Variants in ARHGEF12 observed in about 807,000 individuals in gnomAD.
ARHGEF12 encodes the protein Rho guanine nucleotide exchange factor 12, also known as KMT2A/ARHGEF12 fusion protein.
In ARHGEF12, 66 loss-of-function variants were observed where a neutral mutation model predicts 211.2. The observed-to-expected ratio is 0.31, with a 90% confidence interval of 0.26 to 0.38. The LOEUF is 0.38. Among genes scored for constraint, ARHGEF12 ranks in the 10% least tolerant of loss-of-function variants. ARHGEF12 has a pLI of 1.00. For missense variants in ARHGEF12, 1,429 were observed against 1,869.5 expected, an observed-to-expected ratio of 0.76 and a Z score of 4.34; for synonymous variants, 592 against 638.4, an observed-to-expected ratio of 0.93 and a Z score of 1.09.
chr11:120,349,186 A>G (rs1336986243), intron 1 of ARHGEF12, among the ~76,000 whole-genome samples: 2 of 152,244 alleles, frequency 1.3e-5, no homozygotes, highest in African/African-American at 2.4e-5. Context: ...GAGACAGTGT[A>G]TAAAGTTAAA....
At chr11:120,356,506 A>G (rs1230346618) in intron 1 of ARHGEF12, among the ~76,000 whole-genome samples, 2 of 152,180 alleles carry the variant, frequency 1.3e-5, no homozygotes, top group Non-Finnish European at 2.9e-5. Flanking sequence ...GGCCTGAGCC[A>G]CTGCGCCCAG....
In ARHGEF12 at chr11:120,440,133, C is replaced by T. The variant is rs146867149; in HGVS notation, c.1004C>T (p.Thr335Ile). Residue 335 changes from threonine (T) to isoleucine (I), a missense_variant, in exon 13 of 41, where the codon ACT becomes ATT. Coordinates refer to ENST00000397843, the MANE Select transcript of ARHGEF12 (RefSeq NM_015313.3). ...CTTTTCCCTGAATGTTGCCAGGACACTCAATCACTTGTCGGAAGTCCCTCA... is the reference window on the plus strand; with the variant it reads ...CTTTTCCCTGAATGTTGCCAGGACATTCAATCACTTGTCGGAAGTCCCTCA... Reference protein sequence around the residue: ...EKSETIQDTDTQSLVGSPSTR... With the variant: ...EKSETIQDTDIQSLVGSPSTR... The T allele has an allele frequency of 6.3e-5, 101 of 1,610,536 alleles. No individual in the cohort carries two copies. In the African/African-American group the frequency reaches 1.3e-3, roughly 20 times the overall value.
intron 1 of ARHGEF12, among the ~76,000 whole-genome samples, chr11:120,345,080 T>C (rs1204189143): frequency 6.6e-6 from 1 of 152,232 alleles, no homozygotes; most frequent in Non-Finnish European, 1.5e-5. Flanking sequence ...TTGTCCAACC[T>C]GCCTTATTTT....
At position 120,343,499 on chromosome 11, in the gene ARHGEF12, G is replaced by A. The variant is rs201142508; in HGVS notation, c.32+6224G>A. 2.3e-4 allele frequency among the ~76,000 whole-genome samples: 35 copies of A among 152,270 alleles called. No homozygotes were observed. In the East Asian group the frequency reaches 3.9e-3, roughly 17 times the overall value. On this transcript the variant is annotated intron_variant, in intron 1 of 40. Transcript: ENST00000397843. ...CTAAATTGCATGAGTATATAGTGTC[G>A]ACTTTTAGTAAAAGAAAAAATACAC...
intron 1 of ARHGEF12, among the ~76,000 whole-genome samples, chr11:120,354,880 A>C (rs1322563249): frequency 1.3e-5 from 2 of 152,192 alleles, no homozygotes; most frequent in African/African-American, 4.8e-5. Flanking sequence ...TATAGCCCTT[A>C]GGGAGATCTA....
In ARHGEF12 at chr11:120,407,621, C is replaced by T. The variant is rs1340235301; in HGVS notation, c.57-117C>T. 4.4e-6 allele frequency: 3 copies of T among 678,468 alleles called. No homozygotes were observed. The African/African-American group carries it at 5.4e-5, about 12-fold the overall frequency. The allele number at this position is 678,468 out of a possible 1,614,324, so 42.0% of individuals were successfully genotyped here. On this transcript the variant is annotated intron_variant, in intron 2 of 40. Coordinates refer to ENST00000397843, the MANE Select transcript of ARHGEF12 (RefSeq NM_015313.3). Reference sequence around the variant, plus strand: ...ATGTAAATTAGAGAGGCTTATGGTGCTGTGTAAAGTAAACTGATTTCCTGG... The same window carrying T: ...ATGTAAATTAGAGAGGCTTATGGTGTTGTGTAAAGTAAACTGATTTCCTGG...
At chr11:120,403,532 G>A (rs1406539037) in intron 1 of ARHGEF12, among the ~76,000 whole-genome samples, 1 of 151,164 alleles carries the variant, frequency 6.6e-6, no homozygotes, top group Non-Finnish European at 1.5e-5. Flanking sequence ...AAAAAAAAAG[G>A]CATCTAGCCA....
At position 120,448,246 on chromosome 11, in the gene ARHGEF12, G is replaced by A. The variant is rs1946102730; in HGVS notation, c.1635G>A (p.Gln545=). The A allele has an allele frequency of 1.2e-6, 2 of 1,612,956 alleles. No homozygotes were observed. Among genetic ancestry groups the A allele is most frequent in the Non-Finnish European group, 1.7e-6 (2 of 1,179,284 alleles). ...AVEEDKSSTM[Q]YVILMYMKHL... The stretch of plus-strand genomic sequence containing the variant: ...CTTTCTCCTCCAGCTCCACCATGCA[G>A]TATGTTATTCTCATGTATATGAAGC... The change falls in exon 20 of 41, where the codon CAG becomes CAA. Residue 545 remains glutamine (Q), a synonymous_variant. Transcript: ENST00000397843.
At chr11:120,459,500 T>C (rs1244148767) in intron 26 of ARHGEF12, among the ~76,000 whole-genome samples, 180 bp downstream of exon 26, 3 of 152,204 alleles carry the variant, frequency 2.0e-5, no homozygotes, top group Non-Finnish European at 2.9e-5. Context: ...CAATCTTTCA[T>C]GTACAATGTG....
chr11:120,462,042 T>G (rs1265030290), intron 27 of ARHGEF12, among the ~76,000 whole-genome samples: 1 of 152,212 alleles, frequency 6.6e-6, no homozygotes, highest in Non-Finnish European at 1.5e-5. Flanking sequence ...CACTTTTATT[T>G]CCTTCAAGAA....
rs1200458633 is a variant in ARHGEF12 at position 120,336,641 on chromosome 11, C to G, written c.-603C>G. 1.3e-5 allele frequency among the ~76,000 whole-genome samples: 2 copies of G among 152,018 alleles called. No homozygotes were observed. The highest frequency in any genetic ancestry group is 4.8e-5 in the African/African-American group (2 of 41,418). ...CACCTCGGGCCGCGGGACCTCTCCG[C>G]CGGCGCCAGCGGCTCGTCCCAGCAC... On this transcript the variant is annotated 5_prime_UTR_variant, in exon 1 of 41. Coordinates refer to ENST00000397843, the MANE Select transcript of ARHGEF12 (RefSeq NM_015313.3).
intron 36 of ARHGEF12, 94 bp from the exon 37 acceptor site, chr11:120,478,060 TTG>T: frequency 1.2e-6 from 1 of 806,648 alleles, no homozygotes; most frequent in Non-Finnish European, 1.9e-6. Context: ...AGTTTATGGA[TTG>T]TTTTTTTTTT....
rs1947480857 is a variant in ARHGEF12 at position 120,489,489 on chromosome 11, TC to T, written c.*4416del. On this transcript the variant is annotated 3_prime_UTR_variant, in exon 41 of 41. Coordinates refer to ENST00000397843, the MANE Select transcript of ARHGEF12 (RefSeq NM_015313.3). ...GAAGCATATGCCTCTATTTTTCCTGTCCCCAGTGCTGGGCTTCTTCACATAC... is the reference window on the plus strand; with the variant it reads ...GAAGCATATGCCTCTATTTTTCCTGTCCCAGTGCTGGGCTTCTTCACATAC... The T allele has an allele frequency of 9.0e-6, 2 of 222,972 alleles. No homozygotes were observed. The highest frequency in any genetic ancestry group is 4.5e-5 in the African/African-American group (2 of 44,740). The allele number at this position is 222,972 out of a possible 1,614,324, so 13.8% of individuals were successfully genotyped here.
At chr11:120,350,215 G>A (rs181045868) in intron 1 of ARHGEF12, among the ~76,000 whole-genome samples, 49 of 152,286 alleles carry the variant, frequency 3.2e-4, no homozygotes, top group African/African-American at 1.0e-3. Flanking sequence ...CTGTGCTGAA[G>A]ATTAAAGTGA....
chr11:120,480,192 A>G lies in ARHGEF12; in HGVS notation c.3999A>G (p.Glu1333=), dbSNP rs763377209. Residue 1333 remains glutamate, a synonymous_variant, in exon 38 of 41, where the codon GAA becomes GAG. Coordinates refer to ENST00000397843, the MANE Select transcript of ARHGEF12 (RefSeq NM_015313.3). The part of the protein sequence containing the change: ...ATCYSPRTST[E]SFAPRDSVGL... ...GTTACAGTCCACGGACTTCAACTGA[A>G]TCTTTTGCTCCACGGGATTCAGTGG... 2.5e-6 allele frequency: 4 copies of G among 1,614,232 alleles called. No homozygotes were observed. Among genetic ancestry groups the G allele is most frequent in the Non-Finnish European group, 3.4e-6 (4 of 1,180,040 alleles).
chr11:120,368,613 T>TATGGTC (rs1943499345), intron 1 of ARHGEF12, among the ~76,000 whole-genome samples: 1 of 152,236 alleles, frequency 6.6e-6, no homozygotes. Flanking sequence ...TAAATTTGCT[T>TATGGTC]ATGGTCACAC....
chr11:120,385,604 A>G, intron 1 of ARHGEF12: 4 of 462,234 alleles, frequency 8.7e-6, no homozygotes, highest in Non-Finnish European at 1.1e-5. Context: ...AAGGAAAAGG[A>G]TATTTTTACA....
chr11:120,458,687 G>A, intron 25 of ARHGEF12: 2 of 181,052 alleles, frequency 1.1e-5, no homozygotes, highest in South Asian at 2.5e-4. Flanking sequence ...TGTGGCATGG[G>A]TGCTGTACCC....
At chr11:120,465,973 GA>G (rs1401582518) in intron 28 of ARHGEF12, among the ~76,000 whole-genome samples, 1 of 152,200 alleles carries the variant, frequency 6.6e-6, no homozygotes, top group East Asian at 1.9e-4. Context: ...TTTATCCAGG[GA>G]AAAACGTAAC....
Sources: gnomAD v4.1 joint callset for allele counts (sites outside exome capture counted in the v4.1 genomes callset) on GRCh38, gnomAD v4.1.1 for gene constraint, MANE v1.5 for transcripts, NCBI Gene and HGNC (gene_info 2026-07-23, HGNC 2026-07-21) for gene names.